SOCS2: variants seen among roughly 807,000 people sequenced by gnomAD.
SOCS2 encodes the protein suppressor of cytokine signaling 2.
In SOCS2, 10 loss-of-function variants were observed where a neutral mutation model predicts 18.6. That is an observed-to-expected ratio of 0.54 (90% confidence interval 0.33 to 0.91). The LOEUF is 0.91. Ranked by LOEUF, SOCS2 falls within the 40% of genes least tolerant of loss-of-function variation. The pLI is 0.02. For missense variants in SOCS2, 231 were observed against 247.2 expected (o/e 0.93, Z 0.44); for synonymous variants, 104 against 104.0 (o/e 1.00, Z 0.00).
the SOCS2 span, among the ~76,000 whole-genome samples, chr12:93,599,906 T>A: frequency 1.3e-5 from 2 of 152,202 alleles, no homozygotes; most frequent in Non-Finnish European, 2.9e-5. Context: ...CTTCATATGT[T>A]ACCCTGCCTC....
chr12:93,617,960 T>G, the SOCS2 span, among the ~76,000 whole-genome samples: 2 of 152,148 alleles, frequency 1.3e-5, no homozygotes, highest in Admixed American at 1.3e-4. Context: ...TCACGTCAAA[T>G]TATAATCCCC....
At chr12:93,606,183 T>C in the SOCS2 span, among the ~76,000 whole-genome samples, 2 of 152,144 alleles carry the variant, frequency 1.3e-5, no homozygotes, top group Non-Finnish European at 2.9e-5. Flanking sequence ...AATTTAATCA[T>C]GTGAGTGCAT....
At chr12:93,597,706 A>G in the SOCS2 span, among the ~76,000 whole-genome samples, 2 of 152,188 alleles carry the variant, frequency 1.3e-5, no homozygotes, top group Admixed American at 6.5e-5. Context: ...TTATGTAATC[A>G]CCACTCAGCC....
the SOCS2 span, among the ~76,000 whole-genome samples, chr12:93,625,551 C>A: frequency 6.6e-6 from 1 of 151,938 alleles, no homozygotes; most frequent in Non-Finnish European, 1.5e-5. Context: ...AGTTTGAGAC[C>A]AGCCTGGCCA....
At chr12:93,614,480 T>TTCCTTCCTTTCTTTCTTTCC in the SOCS2 span, among the ~76,000 whole-genome samples, 8 of 26,152 alleles carry the variant, frequency 3.1e-4, 1 homozygote, top group African/African-American at 1.5e-3. Context: ...CCTTCCTTCC[T>TTCCTTCCTTTCTTTCTTTCC]TTCCTTCCTT....
At chr12:93,618,156 A>C in the SOCS2 span, among the ~76,000 whole-genome samples, 39,529 of 151,890 alleles carry the variant, frequency 0.26, 10,027 homozygotes, top group African/African-American at 0.65. Flanking sequence ...GTGCCTGCTT[A>C]CCCTTTGCCT....
the SOCS2 span, among the ~76,000 whole-genome samples, chr12:93,619,342 CT>C: frequency 5.6e-4 from 85 of 152,274 alleles, no homozygotes; most frequent in African/African-American, 1.8e-3. Flanking sequence ...GGGTCAGACT[CT>C]GGGGCCCCAG....
Position 93,574,775 on chromosome 12 carries a change from G to T in SOCS2, c.193G>T (p.Ala65Ser). 6.2e-7 allele frequency: 1 copy of T among 1,614,060 alleles called. No individual in the cohort carries two copies. The highest frequency in any genetic ancestry group is 8.5e-7 in the Non-Finnish European group (1 of 1,180,000). Residue 65 changes from alanine (A) to serine (S), a missense_variant, in exon 2 of 2, where the codon GCA becomes TCA. By Grantham distance (99) the Ala-to-Ser change is moderately conservative. Transcript: ENST00000551556. ...VNEAKEKLKEAPEGTFLIRDS... is the reference protein window; with the variant it reads ...VNEAKEKLKESPEGTFLIRDS... ...TGAAGCCAAAGAGAAATTAAAAGAG[G>T]CACCAGAAGGAACTTTCTTGATTAG...
chr12:93,625,286 T>C, the SOCS2 span, among the ~76,000 whole-genome samples: 1 of 152,144 alleles, frequency 6.6e-6, no homozygotes, highest in African/African-American at 2.4e-5. Flanking sequence ...CTAAAAAAAG[T>C]TTCTATTTAC....
the SOCS2 span, among the ~76,000 whole-genome samples, chr12:93,620,422 C>CT: frequency 0.091 from 13,490 of 148,766 alleles, 996 homozygotes; most frequent in East Asian, 0.33. Context: ...CTTTTTTTCT[C>CT]TTTTTTTTTT....
the SOCS2 span, among the ~76,000 whole-genome samples, chr12:93,603,379 A>G: frequency 2.0e-5 from 3 of 152,210 alleles, no homozygotes; most frequent in Admixed American, 1.3e-4. Context: ...CAAAAAGGTT[A>G]GGCCCTCTGC....
the SOCS2 span, among the ~76,000 whole-genome samples, chr12:93,589,874 TA>T: frequency 2.0e-5 from 3 of 152,174 alleles, no homozygotes; most frequent in African/African-American, 7.2e-5. Flanking sequence ...GCAGAAGAAA[TA>T]AAGGAACTTC....
In SOCS2 at chr12:93,574,995, C is replaced by G. The variant is rs773656053; in HGVS notation, c.413C>G (p.Thr138Arg). 3.7e-6 allele frequency: 6 copies of G among 1,613,998 alleles called. No homozygotes were observed. In the Admixed American group the frequency reaches 8.3e-5, roughly 22 times the overall value. Residue 138 changes from threonine to arginine, a missense_variant, in exon 2 of 2, where the codon ACA becomes AGA. By Grantham distance (71) the Thr-to-Arg change is moderately conservative. Coordinates refer to ENST00000551556, the MANE Select transcript of SOCS2 (RefSeq NM_001270471.2). ...YYVQMCKDKR[T>R]GPEAPRNGTV... Reference sequence around the variant, plus strand: ...GTTCAGATGTGCAAGGATAAGCGGACAGGTCCAGAAGCCCCCCGGAACGGC... The same window carrying G: ...GTTCAGATGTGCAAGGATAAGCGGAGAGGTCCAGAAGCCCCCCGGAACGGC...
chr12:93,615,736 C>T, the SOCS2 span, among the ~76,000 whole-genome samples: 1 of 152,232 alleles, frequency 6.6e-6, no homozygotes, highest in African/African-American at 2.4e-5. Context: ...GCTGGAATTA[C>T]AGGCATGAGC....
chr12:93,613,921 C>G, the SOCS2 span, among the ~76,000 whole-genome samples: 4 of 152,168 alleles, frequency 2.6e-5, no homozygotes, highest in Middle Eastern at 3.4e-3. Context: ...AGCTGGTACC[C>G]TCCCAAAAAA....
At chr12:93,624,567 C>T in the SOCS2 span, among the ~76,000 whole-genome samples, 1 of 132,862 alleles carries the variant, frequency 7.5e-6, no homozygotes, top group African/African-American at 3.5e-5. Flanking sequence ...GAGACTCCAT[C>T]TAAAAAAAAA....
the SOCS2 span, among the ~76,000 whole-genome samples, chr12:93,602,265 T>A: frequency 3.3e-5 from 5 of 152,104 alleles, no homozygotes; most frequent in East Asian, 1.9e-4. Flanking sequence ...TTTTTAAAAA[T>A]TTTTATTTTT....
chr12:93,570,499 T>TG (rs997040797), upstream of SOCS2: 1 of 152,232 alleles, frequency 6.6e-6, no homozygotes, highest in African/African-American at 2.4e-5. Flanking sequence ...GAGTCTGGTT[T>TG]CCGAGGACCC....
chr12:93,570,817 C>T (rs1426448823), upstream of SOCS2, among the ~76,000 whole-genome samples: 1 of 152,234 alleles, frequency 6.6e-6, no homozygotes, highest in Non-Finnish European at 1.5e-5. Context: ...AGCGCTCTCA[C>T]CCGGTCTTCC....
Sources: gnomAD v4.1 joint callset for allele counts (sites outside exome capture counted in the v4.1 genomes callset) on GRCh38, gnomAD v4.1.1 for gene constraint, MANE v1.5 for transcripts, NCBI Gene and HGNC (gene_info 2026-07-23, HGNC 2026-07-21) for gene names.